Variants in AUTS2 observed in about 807,000 individuals in gnomAD.
AUTS2 encodes the protein autism susceptibility gene 2 protein.
Under a neutral mutation model 112.4 loss-of-function variants are expected in AUTS2, and 17 were observed. The ratio of observed to expected loss-of-function variants is 0.15; its 90% confidence interval spans 0.10 to 0.23. AUTS2 has a LOEUF of 0.23. AUTS2 is among the 10% of genes least tolerant of loss of function. The pLI, the probability that AUTS2 is intolerant of heterozygous loss-of-function variation, is 1.00. For synonymous variants in AUTS2, 751 were observed against 702.7 expected, an observed-to-expected ratio of 1.07 and a Z score of -1.09; for missense variants, 1,510 against 1,701.6, an observed-to-expected ratio of 0.89 and a Z score of 1.98.
intron 5 of AUTS2, among the ~76,000 whole-genome samples, chr7:70,588,503 C>G (rs1802786324): frequency 6.6e-6 from 1 of 152,116 alleles, no homozygotes; most frequent in Non-Finnish European, 1.5e-5. Context: ...GCTGTGATAG[C>G]TTCTTGGACC....
At chr7:69,989,152 T>G (rs539794733) in intron 2 of AUTS2, among the ~76,000 whole-genome samples, 1 of 152,216 alleles carries the variant, frequency 6.6e-6, no homozygotes, top group Non-Finnish European at 1.5e-5. Flanking sequence ...TAACTCCAGA[T>G]AGTCAAGACT....
chr7:69,970,243 A>G (rs568685208), intron 2 of AUTS2, among the ~76,000 whole-genome samples: 2 of 152,186 alleles, frequency 1.3e-5, no homozygotes, highest in African/African-American at 4.8e-5. Context: ...TTTTTATTCT[A>G]CATATTCTCC....
At chr7:70,344,742 A>AT (rs1040278532) in intron 4 of AUTS2, among the ~76,000 whole-genome samples, 20 of 152,098 alleles carry the variant, frequency 1.3e-4, no homozygotes, top group African/African-American at 4.6e-4. Context: ...CTGCAAAACC[A>AT]TTTTTTTTGG....
chr7:70,375,842 A>C (rs780513740), intron 4 of AUTS2, among the ~76,000 whole-genome samples: 2 of 152,132 alleles, frequency 1.3e-5, no homozygotes, highest in Non-Finnish European at 2.9e-5. Flanking sequence ...CTTTCTGCCA[A>C]GCTTCTACTT....
chr7:70,325,503 G>C (rs540995481), intron 4 of AUTS2, among the ~76,000 whole-genome samples: 1 of 151,990 alleles, frequency 6.6e-6, no homozygotes, highest in Non-Finnish European at 1.5e-5. Flanking sequence ...AGATATGGGC[G>C]TCACAATGGC....
chr7:70,370,228 A>T (rs1239099592), intron 4 of AUTS2, among the ~76,000 whole-genome samples: 1 of 152,190 alleles, frequency 6.6e-6, no homozygotes, highest in Non-Finnish European at 1.5e-5. Context: ...TTTTTAATAA[A>T]TGCACAGAGT....
intron 5 of AUTS2, among the ~76,000 whole-genome samples, chr7:70,680,520 G>A (rs1474239603): frequency 6.6e-6 from 1 of 152,152 alleles, no homozygotes; most frequent in East Asian, 1.9e-4. Flanking sequence ...GGTCCAGGTC[G>A]GTTCTCTAAT....
intron 2 of AUTS2, among the ~76,000 whole-genome samples, chr7:69,996,640 C>T (rs555563787): frequency 1.3e-5 from 2 of 152,252 alleles, no homozygotes; most frequent in Admixed American, 6.5e-5. Flanking sequence ...ACCCGCTTCC[C>T]TTTCCTTCCG....
At chr7:70,348,908 A>G (rs906820861) in intron 4 of AUTS2, among the ~76,000 whole-genome samples, 25 of 152,380 alleles carry the variant, frequency 1.6e-4, no homozygotes, top group African/African-American at 5.0e-4. Flanking sequence ...AGGTCTAAAT[A>G]TGTGCTCTAT....
At chr7:70,155,242 G>A (rs150380624) in intron 4 of AUTS2, among the ~76,000 whole-genome samples, 74 of 152,234 alleles carry the variant, frequency 4.9e-4, no homozygotes, top group African/African-American at 1.7e-3. Flanking sequence ...GGGAGGGTTC[G>A]ATCTGGGAAT....
intron 4 of AUTS2, among the ~76,000 whole-genome samples, chr7:70,229,274 T>C (rs1480904605): frequency 2.0e-5 from 3 of 152,090 alleles, no homozygotes; most frequent in Non-Finnish European, 4.4e-5. Flanking sequence ...GTGAATTCTT[T>C]CAGTCTTTAA....
chr7:69,772,915 T>A (rs535012287), intron 1 of AUTS2, among the ~76,000 whole-genome samples: 1 of 152,328 alleles, frequency 6.6e-6, no homozygotes, highest in East Asian at 1.9e-4. Flanking sequence ...TCCTTGACTT[T>A]ATTTATTACT....
At chr7:70,356,159 A>C (rs1791999458) in intron 4 of AUTS2, among the ~76,000 whole-genome samples, 1 of 152,196 alleles carries the variant, frequency 6.6e-6, no homozygotes, top group Non-Finnish European at 1.5e-5. Flanking sequence ...ACCCTGCTAC[A>C]GATCAGACAT....
At chr7:70,608,744 A>ACACT (rs1482427600) in intron 5 of AUTS2, among the ~76,000 whole-genome samples, 2 of 152,020 alleles carry the variant, frequency 1.3e-5, no homozygotes, top group Non-Finnish European at 2.9e-5. Flanking sequence ...GTGGGAAAGT[A>ACACT]GATATGGCAG....
At chr7:70,590,162 A>G (rs866001950) in intron 5 of AUTS2, among the ~76,000 whole-genome samples, 11 of 141,900 alleles carry the variant, frequency 7.8e-5, no homozygotes, top group African/African-American at 1.5e-4. Context: ...ATGTATGTAT[A>G]TATATATATA....
intron 7 of AUTS2, among the ~76,000 whole-genome samples, chr7:70,764,314 C>T (rs544813692): frequency 2.5e-4 from 38 of 152,174 alleles, no homozygotes; most frequent in African/African-American, 8.9e-4. Context: ...CTTTGTGTGT[C>T]TTCATTTAAG....
chr7:70,735,380 A>T (rs75732446), intron 6 of AUTS2, among the ~76,000 whole-genome samples: 1 of 152,166 alleles, frequency 6.6e-6, no homozygotes, highest in African/African-American at 2.4e-5. Context: ...TGAAGTTACA[A>T]CAGTCATTCA....
At chr7:70,238,274 C>G (rs1019566251) in intron 4 of AUTS2, among the ~76,000 whole-genome samples, 1 of 152,192 alleles carries the variant, frequency 6.6e-6, no homozygotes, top group African/African-American at 2.4e-5. Context: ...CCAGGGGCCA[C>G]CCCCAACAGT....
At chr7:70,322,996 A>G (rs1396101156) in intron 4 of AUTS2, among the ~76,000 whole-genome samples, 2 of 152,204 alleles carry the variant, frequency 1.3e-5, no homozygotes, top group Non-Finnish European at 2.9e-5. Flanking sequence ...TCCCAGCAAC[A>G]TGTCCCTCTC....
Sources: allele counts gnomAD v4.1 joint callset (sites outside exome capture counted in the v4.1 genomes callset), GRCh38; gene constraint gnomAD v4.1.1; transcripts MANE v1.5; gene names NCBI Gene and HGNC (gene_info 2026-07-23, HGNC 2026-07-21).